The following BPHL variants were observed in gnomAD, a reference collection of about 807,000 sequenced individuals.
The protein encoded by BPHL is serine hydrolase BPHL.
In BPHL, 27 loss-of-function variants were observed where a neutral mutation model predicts 31.2. The observed-to-expected ratio is 0.87, with a 90% confidence interval of 0.64 to 1.19. The LOEUF (loss-of-function observed/expected upper bound fraction) is 1.19, where lower values mean the gene tolerates loss of function less well. Among genes scored for constraint, BPHL ranks in the 50% most tolerant of loss-of-function variants. The pLI is 0.00. For synonymous variants in BPHL, 150 were observed against 146.8 expected, an observed-to-expected ratio of 1.02 and a Z score of -0.16; for missense variants, 356 against 375.7, an observed-to-expected ratio of 0.95 and a Z score of 0.43.
intron 6 of BPHL, among the ~76,000 whole-genome samples, chr6:3,151,625 T>C (rs1002852): frequency 0.036 from 5,504 of 152,290 alleles, 320 homozygotes; most frequent in African/African-American, 0.13. Context: ...CCTAATATTG[T>C]CCTTTTAATG....
chr6:3,151,608 A>T (rs565531858), intron 6 of BPHL, among the ~76,000 whole-genome samples: 1 of 152,298 alleles, frequency 6.6e-6, no homozygotes, highest in Non-Finnish European at 1.5e-5. Context: ...ATGATAACGC[A>T]TTCTGCCCTA....
rs773058451 is a variant in BPHL, at chr6:3,152,581, C to T, written c.*6C>T. ...CAGAAGACTTCCTACAATGAGAATG[C>T]ACACTCCAGTCTTGGTGGTTCCTTC... On this transcript the variant is annotated 3_prime_UTR_variant, in exon 7 of 7. Coordinates refer to ENST00000380379, the MANE Select transcript of BPHL (RefSeq NM_004332.4). 8 of 1,611,802 alleles carry T rather than the reference C, an allele frequency of 5.0e-6. No individual in the cohort carries two copies. The highest frequency in any genetic ancestry group is 4.4e-5 in the South Asian group (4 of 90,756).
Position 3,119,490 on chromosome 6 carries a change from TC to T in BPHL, c.107+646del, listed in dbSNP as rs79702187. On this transcript the variant is annotated intron_variant, in intron 1 of 6. Transcript: ENST00000380379. ...GAATCTGCTTTATTCTCTTTTGTCC[TC>T]CCACCTGTCCCCCCATTTCAGGTAA... 3.1e-4 allele frequency: 498 copies of T among 1,614,124 alleles called. 6 individuals are homozygous for T. The East Asian group carries it at 0.011, about 35-fold the overall frequency.
At chr6:3,138,067 G>A in intron 5 of BPHL, 1 of 1,080,906 alleles carries the variant, frequency 9.3e-7, no homozygotes, top group Non-Finnish European at 1.2e-6. Context: ...TCACCAGGCT[G>A]GAATGCAATG....
rs533592571 is a variant in BPHL, at chr6:3,135,673, C to T, written c.533-1689C>T. 3.9e-5 allele frequency among the ~76,000 whole-genome samples: 6 copies of T among 152,254 alleles called. No individual in the cohort carries two copies. In the South Asian group the frequency reaches 1.2e-3, roughly 32 times the overall value. On this transcript the variant is annotated intron_variant, in intron 4 of 6. Coordinates refer to ENST00000380379, the MANE Select transcript of BPHL (RefSeq NM_004332.4). ...ATCTTCCTTATCTCTTCTGCATCGT[C>T]GTGTCTCTCTGCGTGGTGTTCTGCA...
intron 6 of BPHL, among the ~76,000 whole-genome samples, chr6:3,146,983 A>AC (rs1207013791): frequency 2.0e-5 from 3 of 152,192 alleles, no homozygotes; most frequent in Non-Finnish European, 4.4e-5. Context: ...GCATGACAAT[A>AC]CCTATCATCT....
intron 1 of BPHL, 24 bp from the exon 2 acceptor site, chr6:3,123,633 G>A: frequency 1.3e-6 from 2 of 1,599,204 alleles, no homozygotes; most frequent in East Asian, 2.2e-5. Flanking sequence ...TTCCCCCTGT[G>A]GGGATGTGTT....
Position 3,118,732 on chromosome 6 carries a change from C to G in BPHL, c.-9C>G, listed in dbSNP as rs1181541486. 7.9e-7 allele frequency: 1 copy of G among 1,260,562 alleles called. No individual in the cohort carries two copies. Among genetic ancestry groups the G allele is most frequent in the Non-Finnish European group, 1.0e-6 (1 of 999,148 alleles). 78.1% of individuals were successfully genotyped at this position (1,260,562 alleles called of 1,614,324 possible). On this transcript the variant is annotated 5_prime_UTR_variant, in exon 1 of 7. Transcript: ENST00000380379. ...ATGCGCACTCCCGGCAGCTACGCGA[C>G]CTGTGACCATGGTGGCTGTGCTGGG...
intron 3 of BPHL, among the ~76,000 whole-genome samples, chr6:3,128,695 G>A (rs966918913): frequency 2.0e-5 from 3 of 152,182 alleles, no homozygotes; most frequent in Non-Finnish European, 2.9e-5. Context: ...TCCTTGCTCA[G>A]GCATGCATAT....
intron 4 of BPHL, among the ~76,000 whole-genome samples, chr6:3,129,923 C>T (rs574505545): frequency 2.8e-4 from 43 of 151,750 alleles, no homozygotes; most frequent in African/African-American, 1.0e-3. Flanking sequence ...TCTCCTGCCT[C>T]ACCCTCCCAA....
In BPHL at chr6:3,132,058, A is replaced by G. The variant is rs542147526; in HGVS notation, c.532+2860A>G. ...TGACTTTCCTTTCTTGATGAAAGCA[A>G]GAGTCTCTCAGTAGCGCAGCACTCT... On this transcript the variant is annotated intron_variant, in intron 4 of 6. Transcript: ENST00000380379. 8.7e-4 allele frequency among the ~76,000 whole-genome samples: 133 copies of G among 152,228 alleles called. 6 individuals are homozygous for G. The South Asian group carries it at 0.026, about 30-fold the overall frequency.
rs2231366 is a variant in BPHL, at chr6:3,129,046, C to T, written c.380C>T (p.Ala127Val). ...GTGCATTTTGTCGTATGATCATAGGCGCTGAAGTTTAAGAAGGTTTCTCTG... is the reference window on the plus strand; with the variant it reads ...GTGCATTTTGTCGTATGATCATAGGTGCTGAAGTTTAAGAAGGTTTCTCTG... ...DAKDAVDLMK[A>V]LKFKKVSLLG... Residue 127 changes from alanine to valine, a missense_variant and splice_region_variant, in exon 4 of 7, where the codon GCG becomes GTG. By Grantham distance (64) the Ala-to-Val change is moderately conservative. Transcript: ENST00000380379. 4,965 of 1,614,190 alleles carry T rather than the reference C, an allele frequency of 3.1e-3. 94 individuals are homozygous for T. The highest frequency in any genetic ancestry group is 0.028 in the South Asian group (2,513 of 91,076).
intron 1 of BPHL, among the ~76,000 whole-genome samples, chr6:3,121,045 C>T (rs548654822): frequency 6.6e-6 from 1 of 152,052 alleles, no homozygotes; most frequent in African/African-American, 2.4e-5. Flanking sequence ...TGCCTTGCAG[C>T]GTTTTTGTGA....
chr6:3,140,444 T>C lies in BPHL; in HGVS notation c.723T>C (p.Gly241=). 6.2e-7 allele frequency: 1 copy of C among 1,613,960 alleles called. No individual in the cohort carries two copies. The highest frequency in any genetic ancestry group is 8.5e-7 in the Non-Finnish European group (1 of 1,179,984). Residue 241 remains glycine, a synonymous_variant, in exon 6 of 7, where the codon GGT becomes GGC. Transcript: ENST00000380379. The surrounding 1 kb of genome is among the most constrained non-coding windows in gnomAD (Gnocchi z 5.2). The part of the protein sequence containing the change: ...RVQCPALIVH[G]EKDPLVPRFH... ...AGTGCCCCGCCTTGATTGTGCACGG[T>C]GAGAAGGATCCTCTGGTCCCACGGT...
chr6:3,129,210 G>C lies in BPHL; in HGVS notation c.532+12G>C. The C allele has an allele frequency of 1.3e-6, 2 of 1,543,854 alleles. No individual in the cohort carries two copies. On this transcript the variant is annotated intron_variant, in intron 4 of 6. Coordinates refer to ENST00000380379, the MANE Select transcript of BPHL (RefSeq NM_004332.4). ...CATGATATATGAGGGTAGGTTCTGC[G>C]AAGGGGAGATGCCGGGACGGCAGAT... is the stretch of plus-strand genomic sequence containing the variant.
rs202000375 is a variant in BPHL at position 3,137,317 on chromosome 6, T to C, written c.533-45T>C. On this transcript the variant is annotated intron_variant, in intron 4 of 6. Transcript: ENST00000380379. ...CTCAGAATACTTAAAGACAATACTT[T>C]AGTATGAAATTAAACCTTTCTTCGC... is the stretch of plus-strand genomic sequence containing the variant. The C allele has an allele frequency of 1.1e-5, 17 of 1,604,004 alleles. No homozygotes were observed. In the Admixed American group the frequency reaches 1.7e-4, roughly 16 times the overall value.
intron 4 of BPHL, among the ~76,000 whole-genome samples, chr6:3,133,279 C>G (rs559055092): frequency 4.6e-5 from 7 of 152,204 alleles, no homozygotes; most frequent in African/African-American, 1.7e-4. Flanking sequence ...TGCCCTACCC[C>G]TCTCTCCCTC....
chr6:3,128,950 C>G (rs1045645328), intron 3 of BPHL, 95 bp from the exon 4 acceptor site: 2 of 1,560,842 alleles, frequency 1.3e-6, no homozygotes, highest in African/African-American at 2.7e-5. Flanking sequence ...ATACTCCAGC[C>G]TCACACCTGT....
chr6:3,121,104 G>A (rs1761556890), intron 1 of BPHL, among the ~76,000 whole-genome samples: 1 of 152,084 alleles, frequency 6.6e-6, no homozygotes, highest in Non-Finnish European at 1.5e-5. Flanking sequence ...TAAACATGAA[G>A]TAATTAGTAG....
Sources: gnomAD v4.1 joint callset for allele counts (sites outside exome capture counted in the v4.1 genomes callset) on GRCh38, gnomAD v4.1.1 for gene constraint, Gnocchi (gnomAD v3.1) non-coding constraint, MANE v1.5 for transcripts, NCBI Gene and HGNC (gene_info 2026-07-23, HGNC 2026-07-21) for gene names.